Variants in FOXN3 observed in about 807,000 individuals in gnomAD.
FOXN3 encodes forkhead box N3.
A neutral mutation model predicts 38.4 loss-of-function variants in FOXN3; 7 were observed. That is an observed-to-expected ratio of 0.18 (90% CI 0.10 to 0.34). The LOEUF (loss-of-function observed/expected upper bound fraction) is 0.34, where lower values mean the gene tolerates loss of function less well. Among genes scored for constraint, FOXN3 ranks in the 10% least tolerant of loss-of-function variants. The pLI is 1.00. For missense variants in FOXN3, 456 were observed against 613.4 expected, an observed-to-expected ratio of 0.74 and a Z score of 2.71; for synonymous variants, 230 against 242.2, an observed-to-expected ratio of 0.95 and a Z score of 0.47.
At chr14:89,452,926 C>T (rs1224331602) in intron 1 of FOXN3, among the ~76,000 whole-genome samples, 1 of 152,132 alleles carries the variant, frequency 6.6e-6, no homozygotes, top group East Asian at 1.9e-4. Flanking sequence ...AGGCCGGGCA[C>T]GGCAGCTCAC....
chr14:89,505,234 T>G (rs934216699), intron 1 of FOXN3, among the ~76,000 whole-genome samples: 5 of 151,802 alleles, frequency 3.3e-5, no homozygotes, highest in Non-Finnish European at 7.4e-5. Context: ...ACACAGCTAA[T>G]GAAACACTGT....
At chr14:89,356,907 GAAGA>G in intron 2 of FOXN3, among the ~76,000 whole-genome samples, 1 of 152,344 alleles carries the variant, frequency 6.6e-6, no homozygotes, top group African/African-American at 2.4e-5. Context: ...CCATGAGTTA[GAAGA>G]AAGGAAGTTG....
chr14:89,501,103 G>A (rs1422649706), intron 1 of FOXN3, among the ~76,000 whole-genome samples: 2 of 152,186 alleles, frequency 1.3e-5, no homozygotes, highest in Non-Finnish European at 2.9e-5. Context: ...TCTAGCCATC[G>A]AGGAAGTGGT....
intron 1 of FOXN3, among the ~76,000 whole-genome samples, chr14:89,561,081 C>A (rs764231968): frequency 1.6e-4 from 24 of 152,202 alleles, no homozygotes; most frequent in Non-Finnish European, 3.2e-4. Context: ...GAGATCCATG[C>A]AGCCCTGGAG....
intron 2 of FOXN3, among the ~76,000 whole-genome samples, chr14:89,370,279 T>C (rs1402526787): frequency 6.6e-6 from 1 of 152,230 alleles, no homozygotes; most frequent in Non-Finnish European, 1.5e-5. Context: ...TTGAGATTAT[T>C]AAAGCCATTT....
chr14:89,525,109 A>T (rs1212059412), intron 1 of FOXN3, among the ~76,000 whole-genome samples: 1 of 152,174 alleles, frequency 6.6e-6, no homozygotes, highest in East Asian at 1.9e-4. Flanking sequence ...AAACCAGAGC[A>T]AGTCCATCTT....
Position 89,184,341 on chromosome 14 carries a change from T to C in FOXN3, c.746-3535A>G, listed in dbSNP as rs140649728. The stretch of plus-strand genomic sequence containing the variant: ...ATCCAAGTTAGGGAGCGCAAGTTCT[T>C]CTTAACCCTAGCATGGTTGTCAAGC... On this transcript the variant is annotated intron_variant, in intron 4 of 5. Transcript: ENST00000557258. Among the ~76,000 whole-genome samples the C allele has an allele frequency of 4.9e-3, 753 of 152,308 alleles. 10 individuals carry two copies. Among genetic ancestry groups the C allele is most frequent in the African/African-American group, 0.017 (715 of 41,540 alleles).
chr14:89,421,717 C>CG (rs976051548), upstream of FOXN3, among the ~76,000 whole-genome samples: 1 of 151,268 alleles, frequency 6.6e-6, no homozygotes, highest in African/African-American at 2.4e-5. Flanking sequence ...TTAGTAGAGA[C>CG]GGGGTTTCTC....
intron 2 of FOXN3, among the ~76,000 whole-genome samples, chr14:89,401,258 A>G (rs1438206012): frequency 2.0e-5 from 3 of 152,302 alleles, no homozygotes; most frequent in East Asian, 3.9e-4. Flanking sequence ...CCTGGCCAAC[A>G]TGGTGAAACC....
intron 3 of FOXN3, among the ~76,000 whole-genome samples, chr14:89,308,484 G>GTCATTCTGTGAATGAAGA (rs1887441156): frequency 6.6e-6 from 1 of 152,186 alleles, no homozygotes; most frequent in African/African-American, 2.4e-5. Flanking sequence ...TCTTCAGGCT[G>GTCATTCTGTGAATGAAGA]TACCTGGGGA....
At chr14:89,456,280 G>T (rs1596281173) in intron 1 of FOXN3, among the ~76,000 whole-genome samples, 1 of 151,810 alleles carries the variant, frequency 6.6e-6, no homozygotes, top group Middle Eastern at 3.5e-3. Context: ...TGGCCAACGT[G>T]CCCCTACTCT....
At chr14:89,492,571 G>T (rs868101499) in intron 1 of FOXN3, among the ~76,000 whole-genome samples, 1 of 152,138 alleles carries the variant, frequency 6.6e-6, no homozygotes, top group Admixed American at 6.5e-5. Context: ...TTTTAGTTGG[G>T]CATGGTGGTA....
At chr14:89,595,320 A>G (rs1349266297) in intron 1 of FOXN3, among the ~76,000 whole-genome samples, 1 of 151,738 alleles carries the variant, frequency 6.6e-6, no homozygotes, top group Non-Finnish European at 1.5e-5. Context: ...GCGAGATTCC[A>G]TCTCAAAAAA....
chr14:89,226,642 C>T (rs753257542), intron 4 of FOXN3, among the ~76,000 whole-genome samples: 1 of 152,134 alleles, frequency 6.6e-6, no homozygotes, highest in Non-Finnish European at 1.5e-5. Flanking sequence ...CCTCCCCCAA[C>T]CCCAATTCAT....
rs192974589 is a variant in FOXN3, at chr14:89,193,649, A to G, written c.746-12843T>C. On this transcript the variant is annotated intron_variant, in intron 4 of 5. Coordinates refer to ENST00000557258, the MANE Select transcript of FOXN3 (RefSeq NM_005197.4). ...GCAATCCATTCACCGGTAGGTTGACACTGGATTGTTTCCAGTTTGGGATAT... is the reference window on the plus strand; with the variant it reads ...GCAATCCATTCACCGGTAGGTTGACGCTGGATTGTTTCCAGTTTGGGATAT... Among the ~76,000 whole-genome samples the G allele has an allele frequency of 2.0e-3, 299 of 152,328 alleles. 1 individual carries two copies. Among genetic ancestry groups the G allele is most frequent in the African/African-American group, 6.7e-3 (277 of 41,578 alleles).
Position 89,203,408 on chromosome 14 carries a change from A to G in FOXN3, c.746-22602T>C, listed in dbSNP as rs151207503. ...AGAGAGAGGCTCTGGATATCCAGCC[A>G]AGGCCCAGATCTGTTCTCCCTCCCA... On this transcript the variant is annotated intron_variant, in intron 4 of 5. Coordinates refer to ENST00000557258, the MANE Select transcript of FOXN3 (RefSeq NM_005197.4). 4.0e-3 allele frequency among the ~76,000 whole-genome samples: 612 copies of G among 152,324 alleles called. 7 individuals carry two copies. The highest frequency in any genetic ancestry group is 0.014 in the African/African-American group (592 of 41,582).
Position 89,156,340 on chromosome 14 carries a change from T to G in FOXN3, c.*6074A>C, listed in dbSNP as rs148209940. 6.5e-6 allele frequency: 1 copy of G among 152,758 alleles called. No individual in the cohort carries two copies. Among genetic ancestry groups the G allele is most frequent in the East Asian group, 1.9e-4 (1 of 5,176 alleles). 9.5% of individuals were successfully genotyped at this position (152,758 alleles called of 1,614,324 possible). A position where few individuals can be genotyped will look rare whatever the true frequency, so the allele number is the denominator to read the frequency against. On this transcript the variant is annotated 3_prime_UTR_variant, in exon 6 of 6. Transcript: ENST00000557258. ...ATACGAAGAATGCAAAATGCAGGTA[T>G]GGATGCCTTCCAAGCAACACCAAGT...
At chr14:89,489,954 C>G (rs1009360372) in intron 1 of FOXN3, among the ~76,000 whole-genome samples, 7 of 152,192 alleles carry the variant, frequency 4.6e-5, no homozygotes, top group Admixed American at 1.3e-4. Flanking sequence ...CTCATGGACT[C>G]CACACAGGAG....
chr14:89,227,090 G>A (rs1479441704), intron 4 of FOXN3, among the ~76,000 whole-genome samples: 1 of 152,122 alleles, frequency 6.6e-6, no homozygotes, highest in Non-Finnish European at 1.5e-5. Flanking sequence ...TTCAGGAATA[G>A]CCTATTACAT....
Sources: allele counts gnomAD v4.1 joint callset (sites outside exome capture counted in the v4.1 genomes callset), GRCh38; gene constraint gnomAD v4.1.1; transcripts MANE v1.5; gene names NCBI Gene and HGNC (gene_info 2026-07-23, HGNC 2026-07-21).